Variants in ACTR3C observed in about 807,000 individuals in gnomAD.
ACTR3C encodes actin related protein 3C, also known as actin-related protein 3C.
In ACTR3C, 18 loss-of-function variants were observed where a neutral mutation model predicts 26.3. The ratio of observed to expected loss-of-function variants is 0.68; its 90% confidence interval spans 0.47 to 1.01. The LOEUF (loss-of-function observed/expected upper bound fraction) is 1.01. ACTR3C is among the 50% of genes least tolerant of loss of function. The probability of loss-of-function intolerance (pLI) is 0.00; values close to 1 mark genes in which losing one functional copy is unlikely to be tolerated. For synonymous variants in ACTR3C, 55 were observed against 94.5 expected, an observed-to-expected ratio of 0.58 and a Z score of 2.42; for missense variants, 184 against 250.7, an observed-to-expected ratio of 0.73 and a Z score of 1.80.
At chr7:150,299,579 A>T (rs540244725) in intron 1 of ACTR3C, among the ~76,000 whole-genome samples, 1 of 149,236 alleles carries the variant, frequency 6.7e-6, no homozygotes, top group East Asian at 2.0e-4. Context: ...TGAGGTCAGG[A>T]GTTCAAGACC....
At chr7:149,951,909 T>TA in the ACTR3C span, among the ~76,000 whole-genome samples, 1 of 150,402 alleles carries the variant, frequency 6.6e-6, no homozygotes, top group Non-Finnish European at 1.5e-5. Flanking sequence ...TTAGTCTGCT[T>TA]GGCTGCCATA....
chr7:150,107,738 A>G, the ACTR3C span, among the ~76,000 whole-genome samples: 1 of 151,654 alleles, frequency 6.6e-6, no homozygotes, highest in Admixed American at 6.6e-5. Flanking sequence ...AAGTTAAGAA[A>G]ATTGGAAAAT....
At chr7:149,908,042 G>A in the ACTR3C span, among the ~76,000 whole-genome samples, 1 of 151,716 alleles carries the variant, frequency 6.6e-6, no homozygotes, top group Admixed American at 6.6e-5. Context: ...TGGGGTAAAT[G>A]TGGGGTCCCC....
chr7:149,923,898 T>G, the ACTR3C span, among the ~76,000 whole-genome samples: 1 of 151,916 alleles, frequency 6.6e-6, no homozygotes, highest in South Asian at 2.1e-4. Flanking sequence ...CTCGGGAGGC[T>G]GAGGCAAAGA....
At chr7:150,034,650 G>A in the ACTR3C span, among the ~76,000 whole-genome samples, 3 of 148,850 alleles carry the variant, frequency 2.0e-5, no homozygotes, top group Non-Finnish European at 4.5e-5. Flanking sequence ...GGACCCGTCG[G>A]ATCGTAAATC....
At chr7:150,007,549 T>C in the ACTR3C span, among the ~76,000 whole-genome samples, 98 of 152,390 alleles carry the variant, frequency 6.4e-4, no homozygotes, top group African/African-American at 2.3e-3. Context: ...TTTAAAAAAA[T>C]AAACCAGAGA....
chr7:150,198,674 G>GAT, the ACTR3C span, among the ~76,000 whole-genome samples: 1 of 149,208 alleles, frequency 6.7e-6, no homozygotes, highest in Non-Finnish European at 1.5e-5. Context: ...GAAGTGAGGA[G>GAT]CCTCTCCGCC....
chr7:150,259,586 C>T (rs1044420264), intron 6 of ACTR3C, among the ~76,000 whole-genome samples: 3 of 152,164 alleles, frequency 2.0e-5, no homozygotes, highest in African/African-American at 7.2e-5. Flanking sequence ...AGGCCTTTAA[C>T]CTGCTCCCAG....
chr7:150,225,119 T>C, the ACTR3C span, among the ~76,000 whole-genome samples: 1 of 151,954 alleles, frequency 6.6e-6, no homozygotes, highest in African/African-American at 2.4e-5. Context: ...ACCTTGTACA[T>C]TTCCTGTCAC....
chr7:150,028,625 C>T, the ACTR3C span, among the ~76,000 whole-genome samples: 1,489 of 152,162 alleles, frequency 9.8e-3, no homozygotes, highest in African/African-American at 0.034. Flanking sequence ...GGCCTTTATC[C>T]CCCCACCTGA....
the ACTR3C span, among the ~76,000 whole-genome samples, chr7:150,191,614 T>C: frequency 6.6e-6 from 1 of 152,214 alleles, no homozygotes; most frequent in African/African-American, 2.4e-5. Context: ...GTTTTGTGGA[T>C]TTCTCGGGTT....
the ACTR3C span, among the ~76,000 whole-genome samples, chr7:150,153,938 T>C: frequency 6.7e-6 from 1 of 148,502 alleles, no homozygotes; most frequent in Non-Finnish European, 1.5e-5. Context: ...ATGGATGAAA[T>C]TGGAAATCAT....
At chr7:150,206,695 T>C in the ACTR3C span, among the ~76,000 whole-genome samples, 3 of 152,194 alleles carry the variant, frequency 2.0e-5, no homozygotes, top group African/African-American at 7.2e-5. Context: ...GTGCTGGAAT[T>C]ATAGGCGTGA....
the ACTR3C span, among the ~76,000 whole-genome samples, chr7:149,968,554 C>T: frequency 6.6e-6 from 1 of 152,322 alleles, no homozygotes; most frequent in East Asian, 1.9e-4. Flanking sequence ...AATAGACAGT[C>T]TCACTATGTT....
chr7:150,079,054 TAACTGG>T, the ACTR3C span, among the ~76,000 whole-genome samples: 5 of 152,168 alleles, frequency 3.3e-5, no homozygotes, highest in Non-Finnish European at 5.9e-5. Flanking sequence ...ACACAGGGGA[TAACTGG>T]CCCTGGTTTG....
At chr7:150,109,601 C>T in the ACTR3C span, among the ~76,000 whole-genome samples, 1 of 148,942 alleles carries the variant, frequency 6.7e-6, no homozygotes, top group East Asian at 2.0e-4. Context: ...CATTTCTTCT[C>T]GGCATTTGCT....
At chr7:150,069,073 T>C in the ACTR3C span, among the ~76,000 whole-genome samples, 1 of 152,158 alleles carries the variant, frequency 6.6e-6, no homozygotes, top group African/African-American at 2.4e-5. Flanking sequence ...AATAGGGGTA[T>C]GCCTAAAACC....
At chr7:150,013,501 G>C in the ACTR3C span, among the ~76,000 whole-genome samples, 12 of 148,794 alleles carry the variant, frequency 8.1e-5, no homozygotes, top group South Asian at 2.1e-4. Flanking sequence ...TGTCTTAATG[G>C]ATGAAGCTAA....
the ACTR3C span, among the ~76,000 whole-genome samples, chr7:150,107,391 A>C: frequency 6.6e-6 from 1 of 151,938 alleles, no homozygotes; most frequent in Admixed American, 6.6e-5. Flanking sequence ...AGAAGATGGG[A>C]TCAATCTTGG....
Sources: allele counts gnomAD v4.1 joint callset (sites outside exome capture counted in the v4.1 genomes callset), GRCh38; gene constraint gnomAD v4.1.1; transcripts MANE v1.5; gene names NCBI Gene and HGNC (gene_info 2026-07-23, HGNC 2026-07-21).